NMNAT3: variants seen among roughly 807,000 people sequenced by gnomAD.
The protein encoded by NMNAT3 is nicotinamide nucleotide adenylyltransferase 3.
NMNAT3 carries 21 observed loss-of-function variants against 24.8 expected under a neutral mutation model. The ratio of observed to expected loss-of-function variants is 0.85; its 90% confidence interval spans 0.60 to 1.22. NMNAT3 has a LOEUF of 1.22. Ranked by LOEUF, NMNAT3 falls within the 50% of genes most tolerant of loss-of-function variation. The probability of loss-of-function intolerance (pLI) is 0.00; values close to 1 mark genes in which losing one functional copy is unlikely to be tolerated. For synonymous variants in NMNAT3, 136 were observed against 155.2 expected, an observed-to-expected ratio of 0.88 and a Z score of 0.92; for missense variants, 387 against 436.6, an observed-to-expected ratio of 0.89 and a Z score of 1.01.
At chr3:139,654,353 G>T (rs2057164785) in intron 1 of NMNAT3, among the ~76,000 whole-genome samples, 1 of 152,138 alleles carries the variant, frequency 6.6e-6, no homozygotes, top group African/African-American at 2.4e-5. Flanking sequence ...CAGGCCTGTG[G>T]GCCCACCAGG....
intron 1 of NMNAT3, among the ~76,000 whole-genome samples, chr3:139,653,315 G>T (rs1290334666): frequency 6.6e-6 from 1 of 151,892 alleles, no homozygotes; most frequent in Non-Finnish European, 1.5e-5. Flanking sequence ...TGCAAAAGGT[G>T]ATATTGTTAA....
chr3:139,629,252 G>A (rs1469280546), intron 2 of NMNAT3, among the ~76,000 whole-genome samples: 1 of 152,218 alleles, frequency 6.6e-6, no homozygotes, highest in Non-Finnish European at 1.5e-5. Context: ...GGAAGTGAGA[G>A]AGACCTCTGG....
intron 1 of NMNAT3, among the ~76,000 whole-genome samples, chr3:139,638,359 C>T (rs2056580612): frequency 6.6e-6 from 1 of 152,178 alleles, no homozygotes; most frequent in Non-Finnish European, 1.5e-5. Context: ...TGCCCATACC[C>T]AACCTGGGGT....
chr3:139,591,369 C>T (rs1201154758), intron 3 of NMNAT3, among the ~76,000 whole-genome samples: 2 of 152,110 alleles, frequency 1.3e-5, no homozygotes, highest in Non-Finnish European at 2.9e-5. Flanking sequence ...GATCAAACTG[C>T]AAGGCGGCAA....
chr3:139,642,181 C>A (rs910185894), intron 1 of NMNAT3, among the ~76,000 whole-genome samples: 2 of 152,162 alleles, frequency 1.3e-5, no homozygotes, highest in African/African-American at 4.8e-5. Context: ...TAACCTTGTG[C>A]AGTATTACTT....
At chr3:139,575,543 G>A (rs1008502330) in intron 5 of NMNAT3, 1 of 980,408 alleles carries the variant, frequency 1.0e-6, no homozygotes. Flanking sequence ...CACATAGAGG[G>A]TGATTAGTAA....
chr3:139,595,049 G>A (rs370521318), intron 3 of NMNAT3, among the ~76,000 whole-genome samples: 1 of 152,128 alleles, frequency 6.6e-6, no homozygotes, highest in African/African-American at 2.4e-5. Flanking sequence ...ACATGATTGT[G>A]TATCTAGAAA....
chr3:139,604,839 T>G (rs147920550), intron 3 of NMNAT3, among the ~76,000 whole-genome samples: 164 of 152,276 alleles, frequency 1.1e-3, no homozygotes, highest in Admixed American at 2.2e-3. Flanking sequence ...CCAGAGGAAA[T>G]GCAAGTTCAC....
intron 3 of NMNAT3, among the ~76,000 whole-genome samples, chr3:139,623,674 C>T (rs1024709521): frequency 2.6e-5 from 4 of 152,146 alleles, no homozygotes; most frequent in Admixed American, 2.6e-4. Context: ...ACCTCTGCCT[C>T]CCAGGTTCAA....
chr3:139,567,901 G>A (rs1005759868), intron 6 of NMNAT3: 5 of 152,322 alleles, frequency 3.3e-5, no homozygotes, highest in Non-Finnish European at 4.4e-5. Flanking sequence ...GATTGCAATA[G>A]TTTCAGAAGG....
intron 1 of NMNAT3, among the ~76,000 whole-genome samples, chr3:139,652,753 C>T (rs79726310): frequency 0.014 from 2,113 of 152,330 alleles, 45 homozygotes; most frequent in African/African-American, 0.049. Flanking sequence ...CCTGCAGCCT[C>T]TTCCCCTGGG....
In NMNAT3 at chr3:139,653,576, G is replaced by A. The variant is rs74787162; in HGVS notation, c.-140-15514C>T. 2.6e-3 allele frequency among the ~76,000 whole-genome samples: 403 copies of A among 152,340 alleles called. 2 individuals carry two copies. The highest frequency in any genetic ancestry group is 9.3e-3 in the African/African-American group (386 of 41,582). ...AACAAACAGCTGACTGCTAAGTGTA[G>A]TAGCCACGTGTTGGGGTCAGGAGGA... is the stretch of plus-strand genomic sequence containing the variant. On this transcript the variant is annotated intron_variant, in intron 1 of 6. Coordinates refer to ENST00000643695, the MANE Select transcript of NMNAT3 (RefSeq NM_001320510.2).
chr3:139,592,201 G>C (rs1309648428), intron 3 of NMNAT3, among the ~76,000 whole-genome samples: 21 of 152,304 alleles, frequency 1.4e-4, no homozygotes, highest in South Asian at 1.2e-3. Flanking sequence ...ATGCGATCAA[G>C]TGGAAGAAAG....
chr3:139,644,328 C>T (rs553786616), intron 1 of NMNAT3, among the ~76,000 whole-genome samples: 58 of 152,126 alleles, frequency 3.8e-4, no homozygotes, highest in Non-Finnish European at 7.2e-4. Context: ...TTATTTGCAA[C>T]ACTGCATGCA....
intron 5 of NMNAT3, chr3:139,576,022 T>C (rs1939254180): frequency 7.8e-7 from 1 of 1,289,178 alleles, no homozygotes; most frequent in African/African-American, 1.5e-5. Context: ...CACAAGATCA[T>C]GTCTGCAAAG....
chr3:139,677,418 G>A (rs917792701), intron 1 of NMNAT3, among the ~76,000 whole-genome samples: 1 of 152,212 alleles, frequency 6.6e-6, no homozygotes, highest in Non-Finnish European at 1.5e-5. Flanking sequence ...TTGAGTGCAC[G>A]AGTGCTAAAG....
At chr3:139,580,368 C>T (rs780584139) in intron 4 of NMNAT3, among the ~76,000 whole-genome samples, 1 of 152,174 alleles carries the variant, frequency 6.6e-6, no homozygotes, top group Non-Finnish European at 1.5e-5. Context: ...AGTGATCCAC[C>T]CATCTCGGCC....
chr3:139,597,780 C>G (rs550681165), intron 3 of NMNAT3, among the ~76,000 whole-genome samples: 22 of 152,290 alleles, frequency 1.4e-4, no homozygotes, highest in Admixed American at 3.9e-4. Context: ...GGGACATAAA[C>G]AGAAACTTAA....
At chr3:139,593,370 T>C (rs1224223369) in intron 3 of NMNAT3, among the ~76,000 whole-genome samples, 1 of 152,158 alleles carries the variant, frequency 6.6e-6, no homozygotes, top group African/African-American at 2.4e-5. Flanking sequence ...TGGGAGACTT[T>C]AACACCCCAC....
Sources: allele counts gnomAD v4.1 joint callset (sites outside exome capture counted in the v4.1 genomes callset), GRCh38; gene constraint gnomAD v4.1.1; transcripts MANE v1.5; gene names NCBI Gene and HGNC (gene_info 2026-07-23, HGNC 2026-07-21).